The following QSOX2 variants were observed in gnomAD, a reference collection of about 807,000 sequenced individuals.
QSOX2 encodes the protein sulfhydryl oxidase 2.
Under a neutral mutation model 61.7 loss-of-function variants are expected in QSOX2, and 46 were observed. That is an observed-to-expected ratio of 0.75 (90% CI 0.59 to 0.95). The LOEUF (loss-of-function observed/expected upper bound fraction) is 0.95. Ranked by LOEUF, QSOX2 falls within the 40% of genes least tolerant of loss-of-function variation. The probability of loss-of-function intolerance (pLI) is 0.00; values close to 1 mark genes in which losing one functional copy is unlikely to be tolerated. For missense variants in QSOX2, 879 were observed against 918.9 expected (o/e 0.96, Z 0.56); for synonymous variants, 383 against 388.4 (o/e 0.99, Z 0.16).
chr9:136,210,452 T>C (rs1419931149), intron 11 of QSOX2: 1 of 985,234 alleles, frequency 1.0e-6, no homozygotes, highest in Non-Finnish European at 1.2e-6. Flanking sequence ...CTGGTCCCAC[T>C]GCCTCAGAGC....
intron 1 of QSOX2, among the ~76,000 whole-genome samples, chr9:136,234,601 C>T (rs936932427): frequency 6.6e-6 from 1 of 152,196 alleles, no homozygotes; most frequent in African/African-American, 2.4e-5. Flanking sequence ...AGAGCTAGCA[C>T]GCTGGCACCC....
intron 1 of QSOX2, among the ~76,000 whole-genome samples, chr9:136,240,390 C>T (rs769274796): frequency 2.0e-5 from 3 of 152,148 alleles, no homozygotes; most frequent in Non-Finnish European, 2.9e-5. Context: ...AGTATCAAAT[C>T]GTTCTAGAAA....
intron 7 of QSOX2, 72 bp downstream of exon 7, chr9:136,218,958 C>A: frequency 6.3e-7 from 1 of 1,585,376 alleles, no homozygotes; most frequent in South Asian, 1.1e-5. Context: ...TGAGTAAACC[C>A]GCCCTGCAAG....
In QSOX2 at chr9:136,208,996, C is replaced by G. The variant is rs375837990; in HGVS notation, c.1829G>C (p.Arg610Pro). The change falls in exon 12 of 12, where the codon CGT (arginine) becomes CCT (proline). Residue 610 changes from arginine to proline, a missense_variant. Transcript: ENST00000358701. ...SHGDRDTQSV[R>P]PPGALGPRPA... ...CCTGGGGCCCAGTGCACCAGGTGGA[C>G]GGACGCTCTGGGTGTCTCGGTCTCC... is the stretch of plus-strand genomic sequence containing the variant. The G allele has an allele frequency of 6.2e-7, 1 of 1,613,634 alleles. No individual in the cohort carries two copies. Among genetic ancestry groups the G allele is most frequent in the African/African-American group, 1.3e-5 (1 of 74,920 alleles).
Position 136,222,057 on chromosome 9 carries a change from C to G in QSOX2, c.676-116G>C. On this transcript the variant is annotated intron_variant, in intron 5 of 11. Transcript: ENST00000358701. The surrounding 1 kb of genome is among the most constrained non-coding windows in gnomAD (Gnocchi z 6.9). The stretch of plus-strand genomic sequence containing the variant: ...TTCACAAAAGGGCATGAAGTCTGTC[C>G]CCCTGCAGGCAAGACCCTCACTCAA... The G allele has an allele frequency of 1.9e-6, 2 of 1,071,552 alleles. No homozygotes were observed. Among genetic ancestry groups the G allele is most frequent in the South Asian group, 2.1e-5 (1 of 47,664 alleles). 66.4% of individuals were successfully genotyped at this position (1,071,552 alleles called of 1,614,324 possible). A position where few individuals can be genotyped will look rare whatever the true frequency, so the allele number is the denominator to read the frequency against.
At position 136,218,662 on chromosome 9, in the gene QSOX2, C is replaced by G; in HGVS notation, c.1086+17G>C. The G allele has an allele frequency of 6.2e-7, 1 of 1,611,588 alleles. No homozygotes were observed. The highest frequency in any genetic ancestry group is 8.5e-7 in the Non-Finnish European group (1 of 1,178,804). ...GCCAAATTCCCACATGCAGCCCAGA[C>G]CAGCACCGTCCCAAACCTTGGCCAA... On this transcript the variant is annotated intron_variant, in intron 8 of 11. Coordinates refer to ENST00000358701, the MANE Select transcript of QSOX2 (RefSeq NM_181701.4).
At position 136,215,433 on chromosome 9, in the gene QSOX2, A is replaced by G; in HGVS notation, c.1210-129T>C. ...GGTGTGGTTTACTGAAGCTGTATCA[A>G]CTGTACACATAAGATCTGTGCCTCC... On this transcript the variant is annotated intron_variant, in intron 9 of 11. Coordinates refer to ENST00000358701, the MANE Select transcript of QSOX2 (RefSeq NM_181701.4). 15 of 876,664 alleles carry G rather than the reference A, an allele frequency of 1.7e-5. No individual in the cohort carries two copies. The South Asian group carries it at 2.2e-4, about 13-fold the overall frequency. 54.3% of individuals were successfully genotyped at this position (876,664 alleles called of 1,614,324 possible).
Position 136,223,347 on chromosome 9 carries a change from T to C in QSOX2, c.675+416A>G, listed in dbSNP as rs538367020. On this transcript the variant is annotated intron_variant, in intron 5 of 11. Coordinates refer to ENST00000358701, the MANE Select transcript of QSOX2 (RefSeq NM_181701.4). The surrounding 1 kb of genome is among the most constrained non-coding windows in gnomAD (Gnocchi z 4.4). ...TACGTGTGAAATCAAAGTATGACGA[T>C]AGAAACGACGTTTTACAGAATCTTG... Among the ~76,000 whole-genome samples the C allele has an allele frequency of 2.0e-4, 31 of 152,296 alleles. No individual in the cohort carries two copies. Among genetic ancestry groups the C allele is most frequent in the South Asian group, 1.2e-3 (6 of 4,820 alleles).
rs565252244 is a variant in QSOX2 at position 136,211,151 on chromosome 9, C to T, written c.1549+113G>A. ...GATCCCGTCAGCACAGTGGGTGGCA[C>T]GAGGCCGCAAAGCTCAGGGACAAGC... On this transcript the variant is annotated intron_variant, in intron 11 of 11. Transcript: ENST00000358701. 5.4e-5 allele frequency: 63 copies of T among 1,176,102 alleles called. No individual in the cohort carries two copies. The East Asian group carries it at 1.2e-3, about 23-fold the overall frequency. The allele number at this position is 1,176,102 out of a possible 1,614,324, so 72.9% of individuals were successfully genotyped here. A position where few individuals can be genotyped will look rare whatever the true frequency, so the allele number is the denominator to read the frequency against.
At chr9:136,242,291 T>C (rs144647041) in intron 1 of QSOX2, among the ~76,000 whole-genome samples, 2,146 of 152,388 alleles carry the variant, frequency 0.014, 26 homozygotes, top group Middle Eastern at 0.031. Flanking sequence ...TGGCCTGTCC[T>C]GCTCCTTCCA....
At position 136,223,762 on chromosome 9, in the gene QSOX2, C is replaced by A; in HGVS notation, c.675+1G>T. On this transcript the variant is annotated splice_donor_variant, in intron 5 of 11. Transcript: ENST00000358701. LOFTEE classifies it high-confidence loss of function. This position sits in a 1 kb window ranked among gnomAD's most constrained non-coding sequence, Gnocchi z 4.4. The stretch of plus-strand genomic sequence containing the variant: ...ACCTGGAGCCCACGCAGAGGCCGTA[C>A]CTCCCGTCCAAGGTAGGAGCTGTTG... 6.2e-7 allele frequency: 1 copy of A among 1,613,438 alleles called. No individual in the cohort carries two copies. Among genetic ancestry groups the A allele is most frequent in the African/African-American group, 1.3e-5 (1 of 75,028 alleles).
intron 11 of QSOX2, chr9:136,210,359 T>C: frequency 2.0e-6 from 2 of 985,458 alleles, no homozygotes; most frequent in Non-Finnish European, 2.4e-6. Context: ...TGCAGTCTCA[T>C]GACTGGGGTA....
chr9:136,231,976 C>T (rs1830335977), intron 1 of QSOX2, among the ~76,000 whole-genome samples: 1 of 149,174 alleles, frequency 6.7e-6, no homozygotes, highest in Admixed American at 6.7e-5. Context: ...CGAAGAGAAA[C>T]CTCTGCTCTG....
At chr9:136,240,290 A>T (rs1487280260) in intron 1 of QSOX2, among the ~76,000 whole-genome samples, 1 of 152,260 alleles carries the variant, frequency 6.6e-6, no homozygotes, top group Non-Finnish European at 1.5e-5. Flanking sequence ...GTGCTTGTCA[A>T]ATAACTCTAA....
chr9:136,227,306 C>T (rs780954811), intron 1 of QSOX2, among the ~76,000 whole-genome samples: 3 of 152,148 alleles, frequency 2.0e-5, no homozygotes, highest in African/African-American at 7.2e-5. Flanking sequence ...CTCACTCCAG[C>T]GAGTACTGGC....
At chr9:136,230,997 C>CA (rs1252832910) in intron 1 of QSOX2, among the ~76,000 whole-genome samples, 1 of 152,246 alleles carries the variant, frequency 6.6e-6, no homozygotes, top group Non-Finnish European at 1.5e-5. Flanking sequence ...CCCTGACCCC[C>CA]TGCCCAGGCC....
At chr9:136,225,099 G>A (rs529686352) in intron 2 of QSOX2, among the ~76,000 whole-genome samples, 190 bp from the exon 3 acceptor site, 3 of 152,248 alleles carry the variant, frequency 2.0e-5, no homozygotes, top group African/African-American at 4.8e-5. Flanking sequence ...TCAGATTTAC[G>A]AGGGGGCTAA....
intron 11 of QSOX2, chr9:136,210,879 T>C (rs1488380395): frequency 1.1e-5 from 11 of 985,240 alleles, no homozygotes; most frequent in Non-Finnish European, 9.6e-6. Context: ...TGGTTTACGT[T>C]TGGACAACAG....
chr9:136,215,376 T>C (rs1381346190), intron 9 of QSOX2, 72 bp from the exon 10 acceptor site: 2 of 904,400 alleles, frequency 2.2e-6, no homozygotes, highest in East Asian at 1.2e-4. Flanking sequence ...AGTCGACAGC[T>C]GCCTTCTTGA....
Sources: gnomAD v4.1 joint callset for allele counts (sites outside exome capture counted in the v4.1 genomes callset) on GRCh38, gnomAD v4.1.1 for gene constraint, Gnocchi (gnomAD v3.1) non-coding constraint, MANE v1.5 for transcripts, NCBI Gene and HGNC (gene_info 2026-07-23, HGNC 2026-07-21) for gene names.